Variants in NRG1 observed in about 807,000 individuals in gnomAD.
NRG1 encodes pro-neuregulin-1, membrane-bound isoform.
NRG1 carries 18 observed loss-of-function variants against 63.8 expected under a neutral mutation model. The observed-to-expected ratio is 0.28, with a 90% CI of 0.19 to 0.42. NRG1 has a LOEUF of 0.42. NRG1 is among the 10% of genes least tolerant of loss of function. The pLI is 1.00. For synonymous variants in NRG1, 302 were observed against 301.3 expected (o/e 1.00, Z -0.02); for missense variants, 762 against 814.7 (o/e 0.94, Z 0.79).
chr8:31,786,015 T>C (rs1820136813), intron 1 of NRG1, among the ~76,000 whole-genome samples: 2 of 152,232 alleles, frequency 1.3e-5, no homozygotes, highest in African/African-American at 4.8e-5. Flanking sequence ...GATTCTTACA[T>C]TTGTATACAA....
exon 12 of NRG1, chr8:32,763,816 A>G: frequency 6.2e-7 from 1 of 1,607,192 alleles, no homozygotes; most frequent in South Asian, 1.1e-5. Context: ...AGCTCCCCCA[A>G]ATCGCCCCCT....
chr8:32,506,203 G>A (rs1376739444), intron 1 of NRG1, among the ~76,000 whole-genome samples: 4 of 152,132 alleles, frequency 2.6e-5, no homozygotes, highest in South Asian at 2.1e-4. Flanking sequence ...AGCTATGGTC[G>A]CAACACTGCG....
intron 1 of NRG1, among the ~76,000 whole-genome samples, chr8:32,551,644 C>T (rs1834141785): frequency 6.6e-6 from 1 of 152,186 alleles, no homozygotes; most frequent in Admixed American, 6.5e-5. Context: ...GAATTGCACA[C>T]TATTGGGGCT....
chr8:31,965,554 C>T (rs1178360937), intron 1 of NRG1, among the ~76,000 whole-genome samples: 3 of 152,084 alleles, frequency 2.0e-5, no homozygotes, highest in Admixed American at 6.5e-5. Context: ...GATTTATTTT[C>T]TTTTGGATAA....
At chr8:32,193,614 T>A (rs1018841035) in intron 1 of NRG1, among the ~76,000 whole-genome samples, 5 of 152,204 alleles carry the variant, frequency 3.3e-5, no homozygotes, top group African/African-American at 1.2e-4. Flanking sequence ...GAAACTGGAT[T>A]TGGTAGAGGC....
chr8:32,248,735 G>A (rs535720784), intron 1 of NRG1, among the ~76,000 whole-genome samples: 2 of 152,140 alleles, frequency 1.3e-5, no homozygotes, highest in African/African-American at 4.8e-5. Flanking sequence ...TTAAGTAGAA[G>A]TAATGCTAGG....
At chr8:32,269,573 T>C (rs969220865) in intron 1 of NRG1, among the ~76,000 whole-genome samples, 3 of 152,138 alleles carry the variant, frequency 2.0e-5, no homozygotes, top group Admixed American at 1.3e-4. Flanking sequence ...GTGCCAGGAC[T>C]GACTGGGAAA....
chr8:32,647,800 C>A, intron 5 of NRG1: 1 of 1,613,916 alleles, frequency 6.2e-7, no homozygotes, highest in Non-Finnish European at 8.5e-7. Context: ...GCAGACCCAT[C>A]TCTTGATGGG....
chr8:32,388,816 T>G (rs983087901), intron 1 of NRG1, among the ~76,000 whole-genome samples: 9 of 152,048 alleles, frequency 5.9e-5, no homozygotes. Context: ...AATGATAAAG[T>G]TTTTTTTGGG....
intron 1 of NRG1, among the ~76,000 whole-genome samples, chr8:32,249,982 T>C (rs1447543219): frequency 6.6e-6 from 1 of 152,024 alleles, no homozygotes; most frequent in Non-Finnish European, 1.5e-5. Flanking sequence ...AGGGTGGAGA[T>C]GGGTCTTATC....
chr8:32,100,023 T>C (rs1381406221), intron 1 of NRG1, among the ~76,000 whole-genome samples: 1 of 151,938 alleles, frequency 6.6e-6, no homozygotes, highest in Admixed American at 6.6e-5. Flanking sequence ...CGAGGTTGAG[T>C]CTGTGAATGA....
chr8:32,481,659 T>G (rs940416126), intron 1 of NRG1, among the ~76,000 whole-genome samples: 5 of 152,230 alleles, frequency 3.3e-5, no homozygotes, highest in Admixed American at 2.0e-4. Flanking sequence ...ATCTCTGCCT[T>G]AATTGATTCA....
intron 1 of NRG1, among the ~76,000 whole-genome samples, chr8:31,767,558 T>C (rs1341069493): frequency 1.3e-5 from 2 of 152,000 alleles, no homozygotes; most frequent in African/African-American, 2.4e-5. Flanking sequence ...AAGAAAACCT[T>C]AGCCAGCACG....
chr8:32,559,517 A>G (rs183006407), intron 1 of NRG1, among the ~76,000 whole-genome samples: 199 of 152,200 alleles, frequency 1.3e-3, no homozygotes, highest in Non-Finnish European at 2.0e-3. Flanking sequence ...CATGGTTCTA[A>G]GTACCAAATT....
rs111396888 is a variant in NRG1 at position 31,766,490 on chromosome 8, G to A, written c.37+127059G>A. Among the ~76,000 whole-genome samples the A allele has an allele frequency of 2.5e-3, 380 of 152,292 alleles. 1 individual carries two copies. The highest frequency in any genetic ancestry group is 8.7e-3 in the African/African-American group (360 of 41,560). On this transcript the variant is annotated intron_variant, in intron 1 of 10. Coordinates refer to the NRG1 transcript ENST00000519301. Reference sequence around the variant, plus strand: ...GCTGGAACTTACTCAGCATTCACTTGAGAGGAAGGACAACAAGCCCCTGTG... The same window carrying A: ...GCTGGAACTTACTCAGCATTCACTTAAGAGGAAGGACAACAAGCCCCTGTG...
chr8:32,303,780 C>T (rs759798849), intron 1 of NRG1, among the ~76,000 whole-genome samples: 17 of 152,226 alleles, frequency 1.1e-4, no homozygotes, highest in Middle Eastern at 3.4e-3. Flanking sequence ...TAGCATTTGT[C>T]TAATATTAAC....
chr8:32,049,083 G>A (rs1821563917), intron 1 of NRG1, among the ~76,000 whole-genome samples: 1 of 152,006 alleles, frequency 6.6e-6, no homozygotes, highest in Non-Finnish European at 1.5e-5. Context: ...ATGAGAAGGA[G>A]CTTCTCCTCC....
At chr8:31,995,203 A>C (rs1586344118) in intron 1 of NRG1, among the ~76,000 whole-genome samples, 1 of 152,112 alleles carries the variant, frequency 6.6e-6, no homozygotes, top group Non-Finnish European at 1.5e-5. Flanking sequence ...TAGCACAGGA[A>C]GAATCTCTTC....
At chr8:32,376,813 T>A (rs1274133334) in intron 1 of NRG1, among the ~76,000 whole-genome samples, 2 of 152,192 alleles carry the variant, frequency 1.3e-5, no homozygotes, top group African/African-American at 2.4e-5. Context: ...GTAAATTCCA[T>A]TCTTTGATTA....
Sources: allele counts gnomAD v4.1 joint callset (sites outside exome capture counted in the v4.1 genomes callset), GRCh38; gene constraint gnomAD v4.1.1; transcripts MANE v1.5; gene names NCBI Gene and HGNC (gene_info 2026-07-23, HGNC 2026-07-21).